The following RYK variants were observed in gnomAD, a reference collection of about 807,000 sequenced individuals.
The protein encoded by RYK is receptor like tyrosine kinase, also known as inactive tyrosine-protein kinase RYK.
A neutral mutation model predicts 70.2 loss-of-function variants in RYK; 21 were observed. The ratio of observed to expected loss-of-function variants is 0.30; its 90% CI spans 0.21 to 0.43. The LOEUF (loss-of-function observed/expected upper bound fraction) is 0.43. Among genes scored for constraint, RYK ranks in the 20% least tolerant of loss-of-function variants. RYK has a pLI of 1.00. For synonymous variants in RYK, 267 were observed against 278.0 expected (o/e 0.96, Z 0.39); for missense variants, 604 against 753.3 (o/e 0.80, Z 2.32).
At chr3:134,237,056 A>G (rs1447490480) in intron 1 of RYK, among the ~76,000 whole-genome samples, 3 of 152,174 alleles carry the variant, frequency 2.0e-5, no homozygotes, top group African/African-American at 7.2e-5. Context: ...TCAAATTCAA[A>G]GCTAAAAAAC....
At chr3:134,211,634 A>C in intron 2 of RYK, 27 bp from the exon 3 acceptor site, 2 of 1,485,548 alleles carry the variant, frequency 1.3e-6, no homozygotes, top group Non-Finnish European at 9.4e-7. Context: ...AATAAACAAA[A>C]TGGACCTGTG....
At chr3:134,235,334 T>TA (rs1354526336) in intron 1 of RYK, among the ~76,000 whole-genome samples, 1 of 151,814 alleles carries the variant, frequency 6.6e-6, no homozygotes, top group Non-Finnish European at 1.5e-5. Flanking sequence ...ATTTTCCAAA[T>TA]AGTCTATAAT....
At chr3:134,167,471 A>C (rs2012713915) in intron 13 of RYK, among the ~76,000 whole-genome samples, 1 of 152,204 alleles carries the variant, frequency 6.6e-6, no homozygotes, top group Admixed American at 6.5e-5. Flanking sequence ...TCTTTGACAA[A>C]CCTGACAAAA....
chr3:134,188,952 T>C (rs1272279866), intron 8 of RYK, 29 bp from the exon 9 acceptor site: 4 of 1,171,100 alleles, frequency 3.4e-6, no homozygotes, highest in Non-Finnish European at 2.5e-6. Flanking sequence ...ATTAATGAGA[T>C]CATACAACAT....
At chr3:134,245,868 C>A (rs574607484) in intron 1 of RYK, among the ~76,000 whole-genome samples, 5 of 152,138 alleles carry the variant, frequency 3.3e-5, no homozygotes, top group Non-Finnish European at 7.3e-5. Context: ...CCTGAACTCA[C>A]AAGTCACTAG....
chr3:134,216,424 C>A (rs186742427), intron 2 of RYK, among the ~76,000 whole-genome samples: 14 of 152,266 alleles, frequency 9.2e-5, no homozygotes, highest in African/African-American at 3.1e-4. Context: ...AAGCACAGAA[C>A]AGCCATGGGG....
chr3:134,224,344 GA>G (rs1224379032), intron 1 of RYK, among the ~76,000 whole-genome samples: 1 of 152,160 alleles, frequency 6.6e-6, no homozygotes, highest in Non-Finnish European at 1.5e-5. Flanking sequence ...TGGAGAGAGA[GA>G]GGGGGCAGCT....
chr3:134,220,216 G>A (rs557683791), intron 2 of RYK, among the ~76,000 whole-genome samples: 28 of 152,278 alleles, frequency 1.8e-4, no homozygotes, highest in African/African-American at 5.8e-4. Flanking sequence ...GAAAGGCTAC[G>A]GAACTGTTCC....
intron 1 of RYK, among the ~76,000 whole-genome samples, chr3:134,223,604 T>C (rs981968963): frequency 2.1e-5 from 3 of 141,394 alleles, no homozygotes; most frequent in African/African-American, 8.0e-5. Flanking sequence ...GTTTGAGAAA[T>C]GTAAAAAAAA....
In RYK at chr3:134,217,797, T is replaced by G. The variant is rs2014606586; in HGVS notation, c.354+4621A>C. 5.9e-5 allele frequency among the ~76,000 whole-genome samples: 9 copies of G among 152,230 alleles called. No individual in the cohort carries two copies. The South Asian group carries it at 1.9e-3, about 32-fold the overall frequency. On this transcript the variant is annotated intron_variant, in intron 2 of 14. Coordinates refer to ENST00000623711, the MANE Select transcript of RYK (RefSeq NM_002958.4). ...GGTACTAGAAGGTGCAAGGGACTTA[T>G]TTTTCACTGTATACCCTTTATGCTT...
At chr3:134,163,559 AAC>A (rs1456036443) in intron 13 of RYK, among the ~76,000 whole-genome samples, 2 of 152,162 alleles carry the variant, frequency 1.3e-5, no homozygotes, top group Non-Finnish European at 2.9e-5. Flanking sequence ...TTTCCACTAA[AAC>A]ATATATGAAT....
rs562694158 is a variant in RYK at position 134,229,157 on chromosome 3, G to A, written c.233-6618C>T. On this transcript the variant is annotated intron_variant, in intron 1 of 14. Transcript: ENST00000623711. ...AGCCAAAACTATAAAGCTTCTAAAA[G>A]AAAACGTAGGATAGAAGAGGCCCTG... is the stretch of plus-strand genomic sequence containing the variant. Among the ~76,000 whole-genome samples the A allele has an allele frequency of 6.6e-5, 10 of 152,198 alleles. No individual in the cohort carries two copies. The East Asian group carries it at 1.7e-3, about 26-fold the overall frequency.
At chr3:134,224,307 C>T (rs990323474) in intron 1 of RYK, among the ~76,000 whole-genome samples, 5 of 152,110 alleles carry the variant, frequency 3.3e-5, no homozygotes, top group Admixed American at 3.3e-4. Flanking sequence ...GACAGGGGGC[C>T]AGCCCTTCCC....
chr3:134,159,264 G>C lies in RYK; in HGVS notation c.1685C>G (p.Ala562Gly). 1 of 1,613,852 alleles carries C rather than the reference G, an allele frequency of 6.2e-7. No homozygotes were observed. The highest frequency in any genetic ancestry group is 8.5e-7 in the Non-Finnish European group (1 of 1,179,814). ...AAYLKDGYRIAQPINCPDELF... is the reference protein window; with the variant it reads ...AAYLKDGYRIGQPINCPDELF... ...TTCATCAGGACAGTTGATTGGCTGG[G>C]CTATTCGGTAACCATCTTTCAGGTA... Residue 562 changes from alanine (A) to glycine (G), a missense_variant, in exon 14 of 15, where the codon GCC becomes GGC. Physicochemically the swap from Ala to Gly is moderately conservative, Grantham distance 60. Coordinates refer to ENST00000623711, the MANE Select transcript of RYK (RefSeq NM_002958.4).
chr3:134,218,914 A>C (rs751693514), intron 2 of RYK, among the ~76,000 whole-genome samples: 31 of 152,214 alleles, frequency 2.0e-4, no homozygotes, highest in Non-Finnish European at 3.4e-4. Context: ...AACTAGATTT[A>C]GAAAGTATAG....
At chr3:134,231,643 T>G (rs1379415138) in intron 1 of RYK, among the ~76,000 whole-genome samples, 1 of 152,128 alleles carries the variant, frequency 6.6e-6, no homozygotes, top group Non-Finnish European at 1.5e-5. Flanking sequence ...CCCCTCTGAC[T>G]TCCACCAACC....
chr3:134,233,046 C>G (rs191178456), intron 1 of RYK, among the ~76,000 whole-genome samples: 106 of 152,334 alleles, frequency 7.0e-4, no homozygotes, highest in Admixed American at 2.2e-3. Flanking sequence ...TACTCTGGTG[C>G]CCACCTTTAT....
intron 1 of RYK, among the ~76,000 whole-genome samples, chr3:134,226,269 A>T (rs553178876): frequency 1.0e-3 from 157 of 152,294 alleles, no homozygotes; most frequent in African/African-American, 3.5e-3. Context: ...AACAACTTTG[A>T]CAATAAAATC....
intron 1 of RYK, among the ~76,000 whole-genome samples, chr3:134,233,111 C>A (rs1362129678): frequency 6.6e-6 from 1 of 152,186 alleles, no homozygotes; most frequent in African/African-American, 2.4e-5. Flanking sequence ...CAAGACCACA[C>A]CCTATATGTT....
Sources: allele counts gnomAD v4.1 joint callset (sites outside exome capture counted in the v4.1 genomes callset), GRCh38; gene constraint gnomAD v4.1.1; transcripts MANE v1.5; gene names NCBI Gene and HGNC (gene_info 2026-07-23, HGNC 2026-07-21).